HPSE2: variants seen among roughly 807,000 people sequenced by gnomAD.
HPSE2 encodes the protein inactive heparanase-2.
In HPSE2, 38 loss-of-function variants were observed where a neutral mutation model predicts 60.5. The ratio of observed to expected loss-of-function variants is 0.63; its 90% CI spans 0.48 to 0.82. The LOEUF is 0.82. HPSE2 is among the 40% of genes least tolerant of loss of function. The probability of loss-of-function intolerance (pLI) is 0.00; values close to 1 mark genes in which losing one functional copy is unlikely to be tolerated. For synonymous variants in HPSE2, 295 were observed against 293.2 expected (o/e 1.01, Z -0.06); for missense variants, 713 against 740.4 (o/e 0.96, Z 0.43).
At chr10:98,471,584 G>A (rs1940782716) in intron 11 of HPSE2, among the ~76,000 whole-genome samples, 1 of 152,072 alleles carries the variant, frequency 6.6e-6, no homozygotes, top group Non-Finnish European at 1.5e-5. Context: ...CCAAAGACAA[G>A]TTTTTTGCTC....
chr10:99,213,498 A>G (rs984639370), intron 2 of HPSE2, among the ~76,000 whole-genome samples: 4 of 151,966 alleles, frequency 2.6e-5, no homozygotes, highest in African/African-American at 9.7e-5. Flanking sequence ...AAAAAACACC[A>G]TTTTCTTTGA....
At chr10:98,844,181 T>C (rs2862448) in intron 3 of HPSE2, among the ~76,000 whole-genome samples, 100,328 of 152,028 alleles carry the variant, frequency 0.66, 33,831 homozygotes, top group South Asian at 0.78. Flanking sequence ...CTGAGGTCTC[T>C]TCCAGCTTTG....
At chr10:99,184,786 T>TTTTA (rs1431394305) in intron 2 of HPSE2, among the ~76,000 whole-genome samples, 4 of 25,284 alleles carry the variant, frequency 1.6e-4, no homozygotes, top group African/African-American at 2.8e-4. Flanking sequence ...CTATCCAAAA[T>TTTTA]TATATATATA....
In HPSE2 at chr10:98,837,656, C is replaced by T. The variant is rs188092515; in HGVS notation, c.611-93600G>A. Among the ~76,000 whole-genome samples the T allele has an allele frequency of 3.0e-3, 460 of 151,952 alleles. 1 individual carries two copies. The highest frequency in any genetic ancestry group is 0.011 in the African/African-American group (439 of 41,308). On this transcript the variant is annotated intron_variant, in intron 3 of 11. Transcript: ENST00000370552. ...TTGGGAGGCCGAGGCGGGCGGATCA[C>T]GAGGTCAGCAGATCGAGACCATTCT...
chr10:98,508,774 G>A (rs1458329119), intron 9 of HPSE2, among the ~76,000 whole-genome samples: 1 of 152,120 alleles, frequency 6.6e-6, no homozygotes, highest in Non-Finnish European at 1.5e-5. Flanking sequence ...CTGTGAGATG[G>A]GAAGGAGTTT....
chr10:98,835,359 T>C (rs1241164210), intron 3 of HPSE2, among the ~76,000 whole-genome samples: 1 of 151,970 alleles, frequency 6.6e-6, no homozygotes, highest in East Asian at 1.9e-4. Context: ...TTCAAAAACA[T>C]GAAATTTATA....
chr10:98,602,001 T>C (rs1479647688), intron 9 of HPSE2, among the ~76,000 whole-genome samples: 2 of 152,150 alleles, frequency 1.3e-5, no homozygotes, highest in South Asian at 2.1e-4. Flanking sequence ...AACAGTGACA[T>C]GACTTTCTGA....
intron 2 of HPSE2, among the ~76,000 whole-genome samples, chr10:99,212,549 A>G (rs10883294): frequency 0.5 from 75,277 of 151,996 alleles, 21,862 homozygotes; most frequent in Non-Finnish European, 0.64. Context: ...TAAGTGAAAT[A>G]AACCAGGCAC....
At chr10:99,110,495 A>G (rs1003487807) in intron 3 of HPSE2, among the ~76,000 whole-genome samples, 1 of 152,222 alleles carries the variant, frequency 6.6e-6, no homozygotes, top group Non-Finnish European at 1.5e-5. Context: ...GTAAGACTCA[A>G]TTATACAAGG....
intron 3 of HPSE2, among the ~76,000 whole-genome samples, chr10:98,779,521 G>A (rs1015141227): frequency 6.6e-6 from 1 of 152,106 alleles, no homozygotes; most frequent in African/African-American, 2.4e-5. Flanking sequence ...ACCAGAAAAA[G>A]CAGATGTATT....
intron 3 of HPSE2, among the ~76,000 whole-genome samples, chr10:98,867,757 C>T (rs574674320): frequency 2.0e-5 from 3 of 152,170 alleles, no homozygotes; most frequent in South Asian, 2.1e-4. Context: ...GTTCAACAGA[C>T]GAATGGATAA....
chr10:98,704,992 A>T (rs965232462), intron 5 of HPSE2, among the ~76,000 whole-genome samples: 12 of 152,154 alleles, frequency 7.9e-5, no homozygotes, highest in Non-Finnish European at 2.9e-5. Flanking sequence ...ATGGGAGAAA[A>T]GTTTTGCAAT....
intron 9 of HPSE2, among the ~76,000 whole-genome samples, chr10:98,574,379 G>A (rs920463957): frequency 1.4e-4 from 21 of 151,830 alleles, no homozygotes; most frequent in Non-Finnish European, 2.6e-4. Context: ...AATAAGACTA[G>A]GAATAGAATG....
At chr10:98,788,571 A>T (rs1263670305) in intron 3 of HPSE2, among the ~76,000 whole-genome samples, 4 of 151,912 alleles carry the variant, frequency 2.6e-5, no homozygotes, top group African/African-American at 9.7e-5. Context: ...GTTTGATCTC[A>T]GACTGCTGTG....
At chr10:98,699,174 C>A (rs1948328516) in intron 5 of HPSE2, among the ~76,000 whole-genome samples, 2 of 152,112 alleles carry the variant, frequency 1.3e-5, no homozygotes, top group East Asian at 1.9e-4. Flanking sequence ...CAAAGCCTGG[C>A]AGAGACACAA....
chr10:98,779,206 G>C (rs1467066892), intron 3 of HPSE2, among the ~76,000 whole-genome samples: 1 of 152,118 alleles, frequency 6.6e-6, no homozygotes, highest in Non-Finnish European at 1.5e-5. Flanking sequence ...TCCATCACCT[G>C]TTAGATTCAG....
intron 2 of HPSE2, 104 bp downstream of exon 2, chr10:99,232,244 C>T: frequency 1.5e-6 from 2 of 1,350,336 alleles, no homozygotes; most frequent in East Asian, 2.5e-5. Flanking sequence ...CACACACACA[C>T]ACACACACAC....
chr10:98,949,144 AAAC>A (rs1407362866), intron 3 of HPSE2, among the ~76,000 whole-genome samples: 1 of 152,080 alleles, frequency 6.6e-6, no homozygotes, highest in Non-Finnish European at 1.5e-5. Context: ...CCACATACAA[AAAC>A]AACAATAAAA....
chr10:99,055,572 G>A (rs1307623036), intron 3 of HPSE2, among the ~76,000 whole-genome samples: 1 of 151,916 alleles, frequency 6.6e-6, no homozygotes, highest in East Asian at 1.9e-4. Context: ...TCCCAATTTT[G>A]GTGAAAAACA....
Sources: allele counts gnomAD v4.1 joint callset (sites outside exome capture counted in the v4.1 genomes callset), GRCh38; gene constraint gnomAD v4.1.1; transcripts MANE v1.5; gene names NCBI Gene and HGNC (gene_info 2026-07-23, HGNC 2026-07-21).